Variants in UQCRB observed in about 807,000 individuals in gnomAD.
The protein encoded by UQCRB is ubiquinol-cytochrome c reductase binding protein.
In UQCRB, 12 loss-of-function variants were observed where a neutral mutation model predicts 19.8. The ratio of observed to expected loss-of-function variants is 0.61; its 90% CI spans 0.39 to 0.98. The LOEUF is 0.98. Ranked by LOEUF, UQCRB falls within the 50% of genes least tolerant of loss-of-function variation. The pLI is 0.00. For missense variants in UQCRB, 142 were observed against 131.8 expected (o/e 1.08, Z -0.38); for synonymous variants, 39 against 42.9 (o/e 0.91, Z 0.35).
Position 96,230,631 on chromosome 8 carries a change from G to T in UQCRB, c.*424C>A. 2 of 456,986 alleles carry T rather than the reference G, an allele frequency of 4.4e-6. No homozygotes were observed. The highest frequency in any genetic ancestry group is 3.1e-5 in the South Asian group (2 of 64,500). 28.3% of individuals were successfully genotyped at this position (456,986 alleles called of 1,614,324 possible). ...GTGCAGACATAATTTCTTTTTAAAT[G>T]ATAGGATGCAAAATCAAATCTGTTT... On this transcript the variant is annotated 3_prime_UTR_variant, in exon 4 of 4. Transcript: ENST00000287022.
chr8:96,230,129 G>A lies in UQCRB; in HGVS notation c.*926C>T, dbSNP rs1300927858. The A allele has an allele frequency of 4.4e-6, 2 of 453,954 alleles. No homozygotes were observed. The highest frequency in any genetic ancestry group is 8.8e-6 in the Non-Finnish European group (2 of 226,782). The allele number at this position is 453,954 out of a possible 1,614,324, so 28.1% of individuals were successfully genotyped here. A position where few individuals can be genotyped will look rare whatever the true frequency, so the allele number is the denominator to read the frequency against. On this transcript the variant is annotated 3_prime_UTR_variant, in exon 4 of 4. Coordinates refer to ENST00000287022, the MANE Select transcript of UQCRB (RefSeq NM_006294.5). The stretch of plus-strand genomic sequence containing the variant: ...CAGTCAATGTCGCTCAGGCTGAAGT[G>A]CAGTGGTGTGATCTAGGCTCACTGC...
At chr8:96,233,443 CTTATT>C (rs760329284) in intron 1 of UQCRB, 14 of 516,744 alleles carry the variant, frequency 2.7e-5, no homozygotes, top group South Asian at 7.6e-5. Flanking sequence ...ATAAAAAGTG[CTTATT>C]TTATTTATGA....
In UQCRB at chr8:96,222,953, A is replaced by G. The variant is rs1052360069; in HGVS notation, c.*8102T>C. 3.3e-5 allele frequency among the ~76,000 whole-genome samples: 5 copies of G among 152,184 alleles called. No individual in the cohort carries two copies. The highest frequency in any genetic ancestry group is 1.2e-4 in the African/African-American group (5 of 41,446). ...CCAGACACAGAAAGAGAAATACTGC[A>G]TGATCTTATTTATTTGTGCAATCTA... is the stretch of plus-strand genomic sequence containing the variant. On this transcript the variant is annotated 3_prime_UTR_variant, in exon 4 of 4. Coordinates refer to ENST00000287022, the MANE Select transcript of UQCRB (RefSeq NM_006294.5).
rs1586149284 is a variant in UQCRB at position 96,227,477 on chromosome 8, A to G, written c.*3578T>C. 2.2e-6 allele frequency: 1 copy of G among 454,062 alleles called. No individual in the cohort carries two copies. Among genetic ancestry groups the G allele is most frequent in the East Asian group, 6.9e-5 (1 of 14,394 alleles). The allele number at this position is 454,062 out of a possible 1,614,324, so 28.1% of individuals were successfully genotyped here. On this transcript the variant is annotated 3_prime_UTR_variant, in exon 4 of 4. Coordinates refer to ENST00000287022, the MANE Select transcript of UQCRB (RefSeq NM_006294.5). The stretch of plus-strand genomic sequence containing the variant: ...GATTTTCCTTGTTTTCCAAAGAGCA[A>G]CCTGTCTTACTCACTTTCTAACCAT...
intron 1 of UQCRB, chr8:96,235,066 C>T (rs1257072872): frequency 1.4e-5 from 4 of 281,602 alleles, no homozygotes. Flanking sequence ...ATCTTATCAG[C>T]GTAAAAGGGA....
chr8:96,234,864 AG>A (rs1343055679), intron 1 of UQCRB: 3 of 196,116 alleles, frequency 1.5e-5, no homozygotes, highest in African/African-American at 7.2e-5. Context: ...GAAAGAAAAA[AG>A]AAAAAAAGAA....
rs2129784061 is a variant in UQCRB at position 96,228,403 on chromosome 8, T to G, written c.*2652A>C. On this transcript the variant is annotated 3_prime_UTR_variant, in exon 4 of 4. Transcript: ENST00000287022. The stretch of plus-strand genomic sequence containing the variant: ...ATCCTAATCAAAGCTGTCATGCAGA[T>G]CCAGTTCCACTCTTCTCATCTCCAG... The G allele has an allele frequency of 2.2e-6, 1 of 454,076 alleles. No individual in the cohort carries two copies. The highest frequency in any genetic ancestry group is 2.0e-5 in the African/African-American group (1 of 50,122). 28.1% of individuals were successfully genotyped at this position (454,076 alleles called of 1,614,324 possible).
chr8:96,227,391 T>C lies in UQCRB; in HGVS notation c.*3664A>G, dbSNP rs1809549507. 1 of 454,084 alleles carries C rather than the reference T, an allele frequency of 2.2e-6. No homozygotes were observed. Among genetic ancestry groups the C allele is most frequent in the Non-Finnish European group, 4.4e-6 (1 of 226,776 alleles). 28.1% of individuals were successfully genotyped at this position (454,084 alleles called of 1,614,324 possible). A position where few individuals can be genotyped will look rare whatever the true frequency, so the allele number is the denominator to read the frequency against. ...TAGTGCTCGTGTGATGTACACTAAG[T>C]TGTAAAGTTATAGGGCATCGCCACC... On this transcript the variant is annotated 3_prime_UTR_variant, in exon 4 of 4. Transcript: ENST00000287022.
chr8:96,229,390 C>G lies in UQCRB; in HGVS notation c.*1665G>C, dbSNP rs1171624217. 1 of 454,072 alleles carries G rather than the reference C, an allele frequency of 2.2e-6. No individual in the cohort carries two copies. Among genetic ancestry groups the G allele is most frequent in the Non-Finnish European group, 4.4e-6 (1 of 226,776 alleles). The allele number at this position is 454,072 out of a possible 1,614,324, so 28.1% of individuals were successfully genotyped here. The stretch of plus-strand genomic sequence containing the variant: ...GGTTTCTAGGGTCAGAGCCCAGCCT[C>G]CCTCCACCCACCCGGCTCCCTACAC... On this transcript the variant is annotated 3_prime_UTR_variant, in exon 4 of 4. Transcript: ENST00000287022.
intron 2 of UQCRB, 132 bp downstream of exon 2, chr8:96,233,021 TCTG>T: frequency 2.7e-6 from 2 of 749,468 alleles, no homozygotes; most frequent in South Asian, 3.2e-5. Context: ...TTTAAAATCT[TCTG>T]ATGTATACAA....
At chr8:96,234,079 C>T (rs1334442028) in intron 1 of UQCRB, 1 of 154,598 alleles carries the variant, frequency 6.5e-6, no homozygotes, top group Admixed American at 6.5e-5. Context: ...TTTGTATTCT[C>T]TTTTAAAATT....
intron 1 of UQCRB, chr8:96,233,476 A>T: frequency 4.3e-6 from 2 of 461,234 alleles, no homozygotes; most frequent in Non-Finnish European, 7.7e-6. Flanking sequence ...TGGTTGCAGG[A>T]AAATGGTGGC....
chr8:96,233,345 C>T, intron 1 of UQCRB, 118 bp from the exon 2 acceptor site: 1 of 969,994 alleles, frequency 1.0e-6, no homozygotes, highest in African/African-American at 1.6e-5. Context: ...AAATAAATTT[C>T]CTTTTAAAAG....
chr8:96,227,539 C>A lies in UQCRB; in HGVS notation c.*3516G>T, dbSNP rs1809553318. The A allele has an allele frequency of 2.2e-6, 1 of 454,034 alleles. No homozygotes were observed. The highest frequency in any genetic ancestry group is 2.3e-5 in the Admixed American group (1 of 42,564). 28.1% of individuals were successfully genotyped at this position (454,034 alleles called of 1,614,324 possible). A position where few individuals can be genotyped will look rare whatever the true frequency, so the allele number is the denominator to read the frequency against. ...ACTGTCCCTCCTAAAATCCATGCTT[C>A]CTCCCATACACCATAAACCCATCTG... On this transcript the variant is annotated 3_prime_UTR_variant, in exon 4 of 4. Coordinates refer to ENST00000287022, the MANE Select transcript of UQCRB (RefSeq NM_006294.5).
At position 96,229,540 on chromosome 8, in the gene UQCRB, T is replaced by C. The variant is rs1489508374; in HGVS notation, c.*1515A>G. 5 of 453,486 alleles carry C rather than the reference T, an allele frequency of 1.1e-5. No homozygotes were observed. The highest frequency in any genetic ancestry group is 6.8e-4 in the Middle Eastern group (1 of 1,464). The allele number at this position is 453,486 out of a possible 1,614,324, so 28.1% of individuals were successfully genotyped here. A position where few individuals can be genotyped will look rare whatever the true frequency, so the allele number is the denominator to read the frequency against. On this transcript the variant is annotated 3_prime_UTR_variant, in exon 4 of 4. Coordinates refer to ENST00000287022, the MANE Select transcript of UQCRB (RefSeq NM_006294.5). ...TTGAAATCACTATTAAAAGAGCCTT[T>C]GCAGAGATCTACTCAGGAAAATTTT...
Position 96,230,569 on chromosome 8 carries a change from A to T in UQCRB, c.*486T>A, listed in dbSNP as rs1809642722. 2.2e-6 allele frequency: 1 copy of T among 454,362 alleles called. No homozygotes were observed. The allele number at this position is 454,362 out of a possible 1,614,324, so 28.1% of individuals were successfully genotyped here. Reference sequence around the variant, plus strand: ...TGTTTTCTAGTATACATGTTAGCACAGGAGTATGTATATTACTTAAGTATG... The same window carrying T: ...TGTTTTCTAGTATACATGTTAGCACTGGAGTATGTATATTACTTAAGTATG... On this transcript the variant is annotated 3_prime_UTR_variant, in exon 4 of 4. Coordinates refer to ENST00000287022, the MANE Select transcript of UQCRB (RefSeq NM_006294.5).
At position 96,230,598 on chromosome 8, in the gene UQCRB, A is replaced by G. The variant is rs1054967944; in HGVS notation, c.*457T>C. The G allele has an allele frequency of 2.2e-6, 1 of 454,864 alleles. No homozygotes were observed. The highest frequency in any genetic ancestry group is 2.0e-5 in the African/African-American group (1 of 50,026). The allele number at this position is 454,864 out of a possible 1,614,324, so 28.2% of individuals were successfully genotyped here. A position where few individuals can be genotyped will look rare whatever the true frequency, so the allele number is the denominator to read the frequency against. On this transcript the variant is annotated 3_prime_UTR_variant, in exon 4 of 4. Transcript: ENST00000287022. ...GTATGTATATTACTTAAGTATGCCT[A>G]TGTTGGGGTGCAGACATAATTTCTT...
rs1213761408 is a variant in UQCRB at position 96,229,100 on chromosome 8, A to C, written c.*1955T>G. 1 of 454,094 alleles carries C rather than the reference A, an allele frequency of 2.2e-6. No individual in the cohort carries two copies. The highest frequency in any genetic ancestry group is 2.3e-5 in the Admixed American group (1 of 42,566). 28.1% of individuals were successfully genotyped at this position (454,094 alleles called of 1,614,324 possible). On this transcript the variant is annotated 3_prime_UTR_variant, in exon 4 of 4. Coordinates refer to ENST00000287022, the MANE Select transcript of UQCRB (RefSeq NM_006294.5). ...AATTTATAATGAACACAAAACATTG[A>C]TCTAGTGTTCAAAGAACTTTTGCAC...
chr8:96,228,826 G>T lies in UQCRB; in HGVS notation c.*2229C>A. On this transcript the variant is annotated 3_prime_UTR_variant, in exon 4 of 4. Coordinates refer to ENST00000287022, the MANE Select transcript of UQCRB (RefSeq NM_006294.5). ...TAGCTCTGAATCACTCTACCATTCG[G>T]TCTACAGGACAATGTAGACCAGACT... The T allele has an allele frequency of 2.2e-6, 1 of 454,020 alleles. No homozygotes were observed. The highest frequency in any genetic ancestry group is 4.4e-6 in the Non-Finnish European group (1 of 226,774). 28.1% of individuals were successfully genotyped at this position (454,020 alleles called of 1,614,324 possible). A position where few individuals can be genotyped will look rare whatever the true frequency, so the allele number is the denominator to read the frequency against.
Sources: allele counts gnomAD v4.1 joint callset (sites outside exome capture counted in the v4.1 genomes callset), GRCh38; gene constraint gnomAD v4.1.1; transcripts MANE v1.5; gene names NCBI Gene and HGNC (gene_info 2026-07-23, HGNC 2026-07-21).